Variants in GPM6A observed in about 807,000 individuals in gnomAD.
GPM6A encodes neuronal membrane glycoprotein M6-a.
Under a neutral mutation model 32.1 loss-of-function variants are expected in GPM6A, and 7 were observed. The ratio of observed to expected loss-of-function variants is 0.22; its 90% CI spans 0.12 to 0.41. The LOEUF (loss-of-function observed/expected upper bound fraction) is 0.41. Ranked by LOEUF, GPM6A falls within the 10% of genes least tolerant of loss-of-function variation. GPM6A has a pLI of 1.00. For missense variants in GPM6A, 235 were observed against 347.2 expected, an observed-to-expected ratio of 0.68 and a Z score of 2.57; for synonymous variants, 130 against 123.4, an observed-to-expected ratio of 1.05 and a Z score of -0.35.
upstream of GPM6A, chr4:175,812,815 C>T (rs548429996): frequency 3.0e-6 from 3 of 985,108 alleles, no homozygotes; most frequent in Admixed American, 6.2e-5. Context: ...CAGTCAGATA[C>T]GTTGCAAAAA....
intron 1 of GPM6A, among the ~76,000 whole-genome samples, chr4:175,862,964 G>T (rs564142147): frequency 6.6e-6 from 1 of 151,924 alleles, no homozygotes; most frequent in Non-Finnish European, 1.5e-5. Flanking sequence ...TTGCAAATAC[G>T]ATTTTCTGTT....
intron 2 of GPM6A, among the ~76,000 whole-genome samples, chr4:175,699,054 A>G (rs923918391): frequency 1.3e-5 from 2 of 152,194 alleles, no homozygotes; most frequent in African/African-American, 4.8e-5. Context: ...AAGTAAATTT[A>G]GCAATTTGGA....
chr4:175,698,997 A>G (rs1208703451), intron 2 of GPM6A, among the ~76,000 whole-genome samples: 2 of 152,190 alleles, frequency 1.3e-5, no homozygotes, highest in South Asian at 4.1e-4. Flanking sequence ...ATAAGCATCT[A>G]TTGCCATTCA....
intron 1 of GPM6A, among the ~76,000 whole-genome samples, chr4:175,745,801 T>C (rs12643354): frequency 0.22 from 33,156 of 151,866 alleles, 3,887 homozygotes; most frequent in East Asian, 0.26. Context: ...TAAGAAAAAA[T>C]GTTATCTGAG....
chr4:175,972,489 A>G (rs1419865270), intron 1 of GPM6A, among the ~76,000 whole-genome samples: 1 of 152,216 alleles, frequency 6.6e-6, no homozygotes, highest in Non-Finnish European at 1.5e-5. Context: ...TTGATCAACC[A>G]TACTACCTTG....
At position 175,704,353 on chromosome 4, in the gene GPM6A, G is replaced by GC. The variant is rs896266885; in HGVS notation, c.38-2587dup. Among the ~76,000 whole-genome samples, 15 of 151,156 alleles carry GC rather than the reference G, an allele frequency of 9.9e-5. No homozygotes were observed. The South Asian group carries it at 1.5e-3, about 15-fold the overall frequency. ...CACACACACACGTGCACGTGTGCAC[G>GC]CCCCCCCACCCCACACACACACAAT... On this transcript the variant is annotated intron_variant, in intron 1 of 6. Coordinates refer to ENST00000393658, the MANE Select transcript of GPM6A (RefSeq NM_201591.3).
In GPM6A at chr4:175,728,575, C is replaced by A. The variant is rs190629035; in HGVS notation, c.38-26808G>T. Among the ~76,000 whole-genome samples, 3 of 152,296 alleles carry A rather than the reference C, an allele frequency of 2.0e-5. No individual in the cohort carries two copies. In the East Asian group the frequency reaches 5.8e-4, roughly 29 times the overall value. On this transcript the variant is annotated intron_variant, in intron 1 of 6. Coordinates refer to ENST00000393658, the MANE Select transcript of GPM6A (RefSeq NM_201591.3). ...TAGCTGTGGTGCAGAGGTCTCAGTACTGCTAAGTAATCATGTTTTCTCATA... is the reference window on the plus strand; with the variant it reads ...TAGCTGTGGTGCAGAGGTCTCAGTAATGCTAAGTAATCATGTTTTCTCATA...
At chr4:175,948,819 A>G (rs993713618) in intron 1 of GPM6A, among the ~76,000 whole-genome samples, 2 of 137,158 alleles carry the variant, frequency 1.5e-5, no homozygotes, top group African/African-American at 7.2e-5. Context: ...CAATGTTAAT[A>G]CTAACTTACT....
In GPM6A at chr4:175,979,112, C is replaced by T. The variant is rs1018573983; in HGVS notation, c.-23+23197G>A. ...TAAATATCTGGTCAGAATAGAAGCTCGTTTTTACCAAGAAACAACTGCCAC... is the reference window on the plus strand; with the variant it reads ...TAAATATCTGGTCAGAATAGAAGCTTGTTTTTACCAAGAAACAACTGCCAC... On this transcript the variant is annotated intron_variant, in intron 1 of 7. Coordinates refer to the GPM6A transcript ENST00000280187. 5.3e-5 allele frequency among the ~76,000 whole-genome samples: 8 copies of T among 152,168 alleles called. No homozygotes were observed. In the South Asian group the frequency reaches 1.2e-3, roughly 24 times the overall value.
intron 1 of GPM6A, among the ~76,000 whole-genome samples, chr4:175,792,685 CTT>C (rs1023846853): frequency 6.6e-6 from 1 of 152,006 alleles, no homozygotes; most frequent in Non-Finnish European, 1.5e-5. Flanking sequence ...ATGTAAAACT[CTT>C]TATTTTGGAA....
chr4:175,744,114 G>A (rs4577521), intron 1 of GPM6A, among the ~76,000 whole-genome samples: 39,707 of 151,840 alleles, frequency 0.26, 5,605 homozygotes, highest in Non-Finnish European at 0.32. Flanking sequence ...AAAATAGGCC[G>A]TAGAGTAAGT....
chr4:175,867,239 A>G (rs557825938), intron 1 of GPM6A, among the ~76,000 whole-genome samples: 1 of 152,346 alleles, frequency 6.6e-6, no homozygotes, highest in African/African-American at 2.4e-5. Flanking sequence ...TTCACAGGGC[A>G]GAAGTTTTTA....
intron 1 of GPM6A, among the ~76,000 whole-genome samples, chr4:175,755,737 G>T (rs1579463386): frequency 6.6e-6 from 1 of 152,170 alleles, no homozygotes; most frequent in Non-Finnish European, 1.5e-5. Context: ...CTGTGTTGTA[G>T]GTAATTATGT....
At chr4:175,976,446 G>A (rs1463732456) in intron 1 of GPM6A, among the ~76,000 whole-genome samples, 1 of 152,020 alleles carries the variant, frequency 6.6e-6, no homozygotes, top group Non-Finnish European at 1.5e-5. Context: ...GATTACAGGC[G>A]TGAGCCACCA....
At chr4:175,750,850 G>C (rs757988052) in intron 1 of GPM6A, among the ~76,000 whole-genome samples, 1 of 152,134 alleles carries the variant, frequency 6.6e-6, no homozygotes, top group Non-Finnish European at 1.5e-5. Context: ...TGGGATTACA[G>C]GCATGAGTCA....
Position 175,942,591 on chromosome 4 carries a change from G to A in GPM6A, c.-23+59718C>T, listed in dbSNP as rs186535109. Among the ~76,000 whole-genome samples, 607 of 152,008 alleles carry A rather than the reference G, an allele frequency of 4.0e-3. 6 individuals carry two copies. Among genetic ancestry groups the A allele is most frequent in the African/African-American group, 0.014 (566 of 41,484 alleles). ...AAGGGGTCCAGTTTCAGTTTTCTGC[G>A]TATGGCTAGCCAGTTTTCCCAACAC... On this transcript the variant is annotated intron_variant, in intron 1 of 7. Coordinates refer to the GPM6A transcript ENST00000280187.
At chr4:175,720,234 A>G (rs1438710802) in intron 1 of GPM6A, among the ~76,000 whole-genome samples, 2 of 152,196 alleles carry the variant, frequency 1.3e-5, no homozygotes, top group Non-Finnish European at 2.9e-5. Flanking sequence ...CTGTTTTTGT[A>G]TTCTGCTCAC....
intron 1 of GPM6A, among the ~76,000 whole-genome samples, chr4:175,850,483 T>G (rs1055769715): frequency 6.6e-6 from 1 of 151,500 alleles, no homozygotes; most frequent in Non-Finnish European, 1.5e-5. Flanking sequence ...CAAACAGGGG[T>G]GGGGTGAGGC....
At position 175,728,788 on chromosome 4, in the gene GPM6A, G is replaced by C. The variant is rs549988636; in HGVS notation, c.38-27021C>G. The stretch of plus-strand genomic sequence containing the variant: ...TTATCTGACAGTTTCCTTTCAATCT[G>C]TAGCCTTTGCATTTCTTTGTCTGAA... On this transcript the variant is annotated intron_variant, in intron 1 of 6. Coordinates refer to ENST00000393658, the MANE Select transcript of GPM6A (RefSeq NM_201591.3). Among the ~76,000 whole-genome samples the C allele has an allele frequency of 6.6e-5, 10 of 152,202 alleles. No homozygotes were observed. The South Asian group carries it at 1.9e-3, about 28-fold the overall frequency.
Sources: gnomAD v4.1 joint callset for allele counts (sites outside exome capture counted in the v4.1 genomes callset) on GRCh38, gnomAD v4.1.1 for gene constraint, MANE v1.5 for transcripts, NCBI Gene and HGNC (gene_info 2026-07-23, HGNC 2026-07-21) for gene names.